Variants in SSPN observed in about 807,000 individuals in gnomAD.
SSPN encodes sarcospan, also known as K-ras oncogene-associated protein.
Under a neutral mutation model 19.1 loss-of-function variants are expected in SSPN, and 15 were observed. The ratio of observed to expected loss-of-function variants is 0.78; its 90% CI spans 0.52 to 1.21. The LOEUF (loss-of-function observed/expected upper bound fraction) is 1.21. SSPN is among the 50% of genes most tolerant of loss of function. The pLI, the probability that SSPN is intolerant of heterozygous loss-of-function variation, is 0.00. For missense variants in SSPN, 291 were observed against 314.0 expected, an observed-to-expected ratio of 0.93 and a Z score of 0.55; for synonymous variants, 147 against 140.3, an observed-to-expected ratio of 1.05 and a Z score of -0.34.
rs956046256 is a variant in SSPN at position 26,125,911 on chromosome 12, T to G, written c.-31+3759T>G. On this transcript the variant is annotated intron_variant, in intron 1 of 2. Coordinates refer to the SSPN transcript ENST00000538142. ...ACTCTGCCGCGTTCTGAGCCTCCGG[T>G]GACGCTACGTGCTTTCCCCATCCCC... is the stretch of plus-strand genomic sequence containing the variant. 2.6e-5 allele frequency: 4 copies of G among 152,332 alleles called. No homozygotes were observed. In the South Asian group the frequency reaches 8.3e-4, roughly 32 times the overall value. The allele number at this position is 152,332 out of a possible 1,614,324, so 9.4% of individuals were successfully genotyped here. A position where few individuals can be genotyped will look rare whatever the true frequency, so the allele number is the denominator to read the frequency against.
chr12:26,217,745 G>A (rs1231284550), intron 1 of SSPN, among the ~76,000 whole-genome samples: 4 of 149,168 alleles, frequency 2.7e-5, no homozygotes, highest in South Asian at 2.2e-4. Context: ...TTTGAAATGC[G>A]TCCCATCAAT....
chr12:26,203,812 G>A (rs917851149), intron 1 of SSPN, among the ~76,000 whole-genome samples: 7 of 152,114 alleles, frequency 4.6e-5, no homozygotes, highest in Non-Finnish European at 8.8e-5. Flanking sequence ...ACATGGTCAG[G>A]GGCTAGGGAG....
intron 1 of SSPN, among the ~76,000 whole-genome samples, chr12:26,201,712 G>A (rs555610819): frequency 1.3e-5 from 2 of 152,150 alleles, no homozygotes; most frequent in South Asian, 4.1e-4. Flanking sequence ...TGAGATGTCA[G>A]TCATCATTTT....
intron 1 of SSPN, among the ~76,000 whole-genome samples, chr12:26,197,250 C>T (rs748048639): frequency 6.6e-6 from 1 of 152,134 alleles, no homozygotes; most frequent in African/African-American, 2.4e-5. Flanking sequence ...ATATATGCAT[C>T]GATGGAGGTA....
At chr12:26,222,832 T>C (rs4963654) in intron 1 of SSPN, among the ~76,000 whole-genome samples, 43,713 of 151,922 alleles carry the variant, frequency 0.29, 6,493 homozygotes, top group Admixed American at 0.4. Context: ...TCAGCAGGCA[T>C]GTCCACCGTC....
intron 1 of SSPN, among the ~76,000 whole-genome samples, chr12:26,140,973 C>G (rs1944457406): frequency 6.6e-6 from 1 of 152,164 alleles, no homozygotes; most frequent in Non-Finnish European, 1.5e-5. Flanking sequence ...TAAAATCTCT[C>G]CACTAGTTAA....
chr12:26,199,056 C>T (rs773572292), intron 1 of SSPN, among the ~76,000 whole-genome samples: 3 of 152,170 alleles, frequency 2.0e-5, no homozygotes, highest in Admixed American at 6.5e-5. Flanking sequence ...TGCCTCTTCT[C>T]ATGTGGTCAT....
intron 1 of SSPN, among the ~76,000 whole-genome samples, chr12:26,172,204 C>T (rs1944657404): frequency 1.3e-5 from 2 of 152,178 alleles, no homozygotes; most frequent in Admixed American, 6.5e-5. Flanking sequence ...GTAATAGATT[C>T]TGCTTATTCA....
At chr12:26,123,924 ACT>A (rs764285272) in intron 1 of SSPN, 1 of 742,386 alleles carries the variant, frequency 1.3e-6, no homozygotes, top group Non-Finnish European at 2.3e-6. Flanking sequence ...GGGAGCACCT[ACT>A]CCAGTTTGCG....
intron 1 of SSPN, among the ~76,000 whole-genome samples, chr12:26,128,850 C>T (rs1944381317): frequency 1.3e-5 from 2 of 152,128 alleles, no homozygotes. Context: ...GTAAGGAAAT[C>T]ATTACCTATA....
intron 1 of SSPN, chr12:26,125,023 T>G (rs1427116960): frequency 1.5e-5 from 9 of 589,724 alleles, no homozygotes; most frequent in Admixed American, 7.5e-5. Flanking sequence ...TTGCTCTCAC[T>G]CCAGGCAGTG....
chr12:26,229,172 T>C (rs1945206080), intron 2 of SSPN, among the ~76,000 whole-genome samples: 1 of 152,204 alleles, frequency 6.6e-6, no homozygotes, highest in African/African-American at 2.4e-5. Flanking sequence ...AAAAAGAATG[T>C]GTGTTTAAGA....
chr12:26,162,897 T>C (rs1330220676), intron 1 of SSPN, among the ~76,000 whole-genome samples: 1 of 152,178 alleles, frequency 6.6e-6, no homozygotes, highest in African/African-American at 2.4e-5. Flanking sequence ...TGAAAAAGTA[T>C]ATGAATATAG....
chr12:26,198,439 T>G (rs1466289409), intron 1 of SSPN, among the ~76,000 whole-genome samples: 1 of 152,184 alleles, frequency 6.6e-6, no homozygotes, highest in East Asian at 1.9e-4. Context: ...TGATAATAAT[T>G]CCTACCTTTT....
chr12:26,202,936 C>G (rs1944899276), intron 1 of SSPN, among the ~76,000 whole-genome samples: 1 of 152,134 alleles, frequency 6.6e-6, no homozygotes, highest in Admixed American at 6.5e-5. Context: ...TTCCACATGG[C>G]TGAGGAGGCC....
At chr12:26,138,727 A>G (rs1231762155) in intron 1 of SSPN, among the ~76,000 whole-genome samples, 2 of 151,880 alleles carry the variant, frequency 1.3e-5, no homozygotes, top group African/African-American at 2.4e-5. Context: ...TAAAAAGCCA[A>G]GACATTTTTT....
intron 1 of SSPN, among the ~76,000 whole-genome samples, chr12:26,134,702 T>A (rs1331498552): frequency 6.6e-6 from 1 of 152,234 alleles, no homozygotes; most frequent in Non-Finnish European, 1.5e-5. Context: ...GAATATAATG[T>A]TGGTTCCCAC....
chr12:26,232,349 A>G lies in SSPN; in HGVS notation c.*1273A>G, dbSNP rs1269392471. The G allele has an allele frequency of 2.4e-5, 24 of 984,514 alleles. No individual in the cohort carries two copies. The highest frequency in any genetic ancestry group is 2.9e-5 in the Non-Finnish European group (24 of 829,622). 61.0% of individuals were successfully genotyped at this position (984,514 alleles called of 1,614,324 possible). ...CTGTGGTTTAAAGCACAAATGCCCC[A>G]AGGTGGGGAGACTTCTCTCTGTGAT... On this transcript the variant is annotated 3_prime_UTR_variant, in exon 3 of 3. Coordinates refer to ENST00000242729, the MANE Select transcript of SSPN (RefSeq NM_005086.5).
chr12:26,174,106 A>C (rs747814917), intron 1 of SSPN, among the ~76,000 whole-genome samples: 1 of 152,208 alleles, frequency 6.6e-6, no homozygotes, highest in Non-Finnish European at 1.5e-5. Flanking sequence ...CAAGAAGATA[A>C]ATACACCCTG....
Sources: allele counts gnomAD v4.1 joint callset (sites outside exome capture counted in the v4.1 genomes callset), GRCh38; gene constraint gnomAD v4.1.1; transcripts MANE v1.5; gene names NCBI Gene and HGNC (gene_info 2026-07-23, HGNC 2026-07-21).